The following PLXDC2 variants were observed in gnomAD, a reference collection of about 807,000 sequenced individuals.
The protein encoded by PLXDC2 is plexin domain containing 2, also known as plexin domain-containing protein 2.
Under a neutral mutation model 68.9 loss-of-function variants are expected in PLXDC2, and 40 were observed. That is an observed-to-expected ratio of 0.58 (90% CI 0.45 to 0.76). PLXDC2 has a LOEUF of 0.76. PLXDC2 is among the 30% of genes least tolerant of loss of function. The pLI is 0.00. For missense variants in PLXDC2, 644 were observed against 661.9 expected (o/e 0.97, Z 0.30); for synonymous variants, 243 against 234.2 (o/e 1.04, Z -0.34).
intron 4 of PLXDC2, among the ~76,000 whole-genome samples, chr10:20,110,719 G>C (rs1046642377): frequency 1.1e-4 from 16 of 152,164 alleles, no homozygotes; most frequent in African/African-American, 3.9e-4. Flanking sequence ...CAGGATTGGG[G>C]AATCAGCATC....
intron 1 of PLXDC2, among the ~76,000 whole-genome samples, chr10:19,877,590 G>A (rs1275325257): frequency 1.3e-5 from 2 of 152,230 alleles, no homozygotes; most frequent in African/African-American, 4.8e-5. Flanking sequence ...GGGCTGGAAT[G>A]TGGACCTGAT....
At chr10:19,938,295 A>C (rs1489303737) in intron 1 of PLXDC2, among the ~76,000 whole-genome samples, 1 of 152,108 alleles carries the variant, frequency 6.6e-6, no homozygotes, top group Non-Finnish European at 1.5e-5. Flanking sequence ...ATAAAATTGG[A>C]AAGGTAGTGT....
rs181480529 is a variant in PLXDC2 at position 20,008,372 on chromosome 10, T to C, written c.324+6386T>C. Among the ~76,000 whole-genome samples, 491 of 152,106 alleles carry C rather than the reference T, an allele frequency of 3.2e-3. 4 individuals carry two copies. Among genetic ancestry groups the C allele is most frequent in the African/African-American group, 0.011 (456 of 41,486 alleles). ...GAGTTCAAGACCAGCCAGGCCAACA[T>C]AGTGAAACCCTGCCTCTACTAAAAA... On this transcript the variant is annotated intron_variant, in intron 2 of 13. Coordinates refer to ENST00000377252, the MANE Select transcript of PLXDC2 (RefSeq NM_032812.9).
chr10:19,911,455 CA>C (rs1317633994), intron 1 of PLXDC2, among the ~76,000 whole-genome samples: 1 of 152,088 alleles, frequency 6.6e-6, no homozygotes, highest in African/African-American at 2.4e-5. Flanking sequence ...ACTGTTTTGC[CA>C]TATAAAATTT....
intron 1 of PLXDC2, among the ~76,000 whole-genome samples, chr10:19,890,793 T>C (rs1433776313): frequency 6.6e-6 from 1 of 151,642 alleles, no homozygotes; most frequent in Non-Finnish European, 1.5e-5. Flanking sequence ...TTTAGACTTC[T>C]TGTACTTGTG....
intron 1 of PLXDC2, among the ~76,000 whole-genome samples, chr10:19,985,541 A>G (rs984440974): frequency 6.6e-6 from 1 of 152,314 alleles, no homozygotes; most frequent in East Asian, 1.9e-4. Context: ...TAACAATCCT[A>G]GATATTAAAA....
At position 20,211,717 on chromosome 10, in the gene PLXDC2, A is replaced by G; in HGVS notation, c.1110A>G (p.Gly370=). Residue 370 remains glycine, a synonymous_variant, in exon 10 of 14, where the codon GGA becomes GGG. Coordinates refer to ENST00000377252, the MANE Select transcript of PLXDC2 (RefSeq NM_032812.9). The part of the protein sequence containing the change: ...DRHRQDWVDS[G]CPEESKEKMC... Reference sequence around the variant, plus strand: ...ATCGGCAGGACTGGGTGGACAGTGGATGCCCTGAAGAGGTACACATGCTTT... The same window carrying G: ...ATCGGCAGGACTGGGTGGACAGTGGGTGCCCTGAAGAGGTACACATGCTTT... 1 of 1,612,990 alleles carries G rather than the reference A, an allele frequency of 6.2e-7. No homozygotes were observed. Among genetic ancestry groups the G allele is most frequent in the Non-Finnish European group, 8.5e-7 (1 of 1,179,272 alleles).
intron 13 of PLXDC2, among the ~76,000 whole-genome samples, chr10:20,268,475 A>C (rs1835897811): frequency 6.6e-6 from 1 of 152,190 alleles, no homozygotes; most frequent in African/African-American, 2.4e-5. Context: ...TGATAAGATC[A>C]CTCTGTAGCT....
At chr10:20,154,710 T>A (rs1834196349) in intron 6 of PLXDC2, among the ~76,000 whole-genome samples, 1 of 152,194 alleles carries the variant, frequency 6.6e-6, no homozygotes, top group African/African-American at 2.4e-5. Context: ...CTTGATATAC[T>A]TGGCATTTGT....
At chr10:20,201,315 A>G (rs1834914274) in intron 9 of PLXDC2, among the ~76,000 whole-genome samples, 1 of 152,086 alleles carries the variant, frequency 6.6e-6, no homozygotes, top group Admixed American at 6.6e-5. Flanking sequence ...ACACATTCTC[A>G]TTCATATGCA....
chr10:20,099,909 C>T lies in PLXDC2; in HGVS notation c.541+31670C>T, dbSNP rs1213075040. Among the ~76,000 whole-genome samples, 7 of 152,088 alleles carry T rather than the reference C, an allele frequency of 4.6e-5. No individual in the cohort carries two copies. The East Asian group carries it at 9.7e-4, about 21-fold the overall frequency. On this transcript the variant is annotated intron_variant, in intron 4 of 13. Transcript: ENST00000377252. The stretch of plus-strand genomic sequence containing the variant: ...GTGCAAAAGTAATACTGCACGGTTA[C>T]GATTTATGGGGCCTAAAAACACAAA...
intron 6 of PLXDC2, among the ~76,000 whole-genome samples, chr10:20,149,512 T>C (rs1834124799): frequency 6.6e-6 from 1 of 152,110 alleles, no homozygotes; most frequent in Non-Finnish European, 1.5e-5. Context: ...GTGCTGGGAT[T>C]ACAGGCGTGA....
intron 1 of PLXDC2, among the ~76,000 whole-genome samples, chr10:19,975,476 T>TAAA (rs1564644866): frequency 3.0e-4 from 45 of 151,552 alleles, no homozygotes; most frequent in Non-Finnish European, 3.1e-4. Flanking sequence ...AAATAAATAA[T>TAAA]TAAAAATAAA....
intron 1 of PLXDC2, among the ~76,000 whole-genome samples, chr10:19,874,653 G>A (rs138851050): frequency 3.3e-5 from 5 of 152,266 alleles, no homozygotes; most frequent in East Asian, 1.9e-4. Context: ...GCAGACAAGC[G>A]AATTTTCTTT....
At chr10:20,184,543 G>T (rs549792528) in intron 9 of PLXDC2, among the ~76,000 whole-genome samples, 5 of 151,754 alleles carry the variant, frequency 3.3e-5, no homozygotes, top group Admixed American at 3.3e-4. Flanking sequence ...TTAATTAAGG[G>T]TTAAAATAAT....
At chr10:20,111,942 G>C (rs552438827) in intron 4 of PLXDC2, among the ~76,000 whole-genome samples, 3 of 152,298 alleles carry the variant, frequency 2.0e-5, no homozygotes, top group Admixed American at 2.0e-4. Context: ...ACTTTGGAGA[G>C]GTAATTAGGG....
At chr10:19,913,567 C>T (rs542846260) in intron 1 of PLXDC2, among the ~76,000 whole-genome samples, 4 of 152,064 alleles carry the variant, frequency 2.6e-5, no homozygotes, top group Non-Finnish European at 2.9e-5. Flanking sequence ...CGTTTAGTAA[C>T]TCATTTGGTA....
intron 1 of PLXDC2, among the ~76,000 whole-genome samples, chr10:19,854,760 A>T (rs144624934): frequency 6.6e-6 from 1 of 152,072 alleles, no homozygotes; most frequent in African/African-American, 2.4e-5. Context: ...AGTCCCAGGA[A>T]CTCCAGGGGA....
intron 1 of PLXDC2, among the ~76,000 whole-genome samples, chr10:19,834,312 A>C (rs569833692): frequency 6.6e-6 from 1 of 150,436 alleles, no homozygotes; most frequent in South Asian, 2.1e-4. Context: ...GCACAAAATC[A>C]CAGAGAAAGA....
Sources: allele counts gnomAD v4.1 joint callset (sites outside exome capture counted in the v4.1 genomes callset), GRCh38; gene constraint gnomAD v4.1.1; transcripts MANE v1.5; gene names NCBI Gene and HGNC (gene_info 2026-07-23, HGNC 2026-07-21).